The following NEGR1 variants were observed in gnomAD, a reference collection of about 807,000 sequenced individuals.
The protein encoded by NEGR1 is IgLON family member 4.
A neutral mutation model predicts 40.9 loss-of-function variants in NEGR1; 10 were observed. That is an observed-to-expected ratio of 0.24 (90% CI 0.15 to 0.42). The LOEUF (loss-of-function observed/expected upper bound fraction) is 0.42, where lower values mean the gene tolerates loss of function less well. Ranked by LOEUF, NEGR1 falls within the 10% of genes least tolerant of loss-of-function variation. The probability of loss-of-function intolerance (pLI) is 1.00; values close to 1 mark genes in which losing one functional copy is unlikely to be tolerated. For missense variants in NEGR1, 352 were observed against 438.9 expected, an observed-to-expected ratio of 0.80 and a Z score of 1.77; for synonymous variants, 185 against 166.8, an observed-to-expected ratio of 1.11 and a Z score of -0.84.
intron 2 of NEGR1, among the ~76,000 whole-genome samples, chr1:71,868,502 A>T (rs997232646): frequency 6.0e-5 from 9 of 151,070 alleles, no homozygotes; most frequent in African/African-American, 1.7e-4. Flanking sequence ...ATACATACAT[A>T]CATACATACA....
intron 1 of NEGR1, among the ~76,000 whole-genome samples, chr1:72,062,284 C>T (rs927082958): frequency 6.6e-6 from 1 of 151,828 alleles, no homozygotes; most frequent in African/African-American, 2.4e-5. Context: ...CCAATATCAC[C>T]CATTCTTTGA....
intron 1 of NEGR1, among the ~76,000 whole-genome samples, chr1:72,271,488 T>C (rs750997057): frequency 3.9e-5 from 6 of 152,008 alleles, no homozygotes; most frequent in African/African-American, 1.2e-4. Flanking sequence ...ACTTACTGTA[T>C]ATATAATATC....
intron 1 of NEGR1, among the ~76,000 whole-genome samples, chr1:72,059,139 A>G (rs1229102884): frequency 6.6e-6 from 1 of 151,664 alleles, no homozygotes; most frequent in Non-Finnish European, 1.5e-5. Flanking sequence ...CTTCTACTGA[A>G]TTTAATGTGA....
intron 1 of NEGR1, among the ~76,000 whole-genome samples, chr1:72,046,963 T>A (rs1340002094): frequency 6.6e-6 from 1 of 151,646 alleles, no homozygotes; most frequent in African/African-American, 2.4e-5. Context: ...AACATCCATC[T>A]TCTTCCAACG....
At chr1:72,167,802 G>A (rs188396083) in intron 1 of NEGR1, among the ~76,000 whole-genome samples, 137 of 151,924 alleles carry the variant, frequency 9.0e-4, no homozygotes, top group African/African-American at 3.3e-3. Flanking sequence ...AAAATGTTAA[G>A]GATTACATGT....
At chr1:72,148,529 T>A (rs1650996698) in intron 1 of NEGR1, among the ~76,000 whole-genome samples, 2 of 152,024 alleles carry the variant, frequency 1.3e-5, no homozygotes, top group South Asian at 2.1e-4. Context: ...CAAAAAAAAA[T>A]GGGTTTTTCT....
intron 2 of NEGR1, among the ~76,000 whole-genome samples, chr1:71,867,666 T>A (rs935896838): frequency 6.6e-6 from 1 of 152,170 alleles, no homozygotes; most frequent in African/African-American, 2.4e-5. Context: ...TACAAAATTT[T>A]AAAATTTGAC....
chr1:71,798,273 G>T (rs1307912030), intron 2 of NEGR1: 1 of 151,560 alleles, frequency 6.6e-6, no homozygotes, highest in African/African-American at 2.4e-5. Flanking sequence ...AACAGCAACT[G>T]AAAAAAATAC....
chr1:71,670,563 C>CTT (rs113832378), intron 4 of NEGR1, among the ~76,000 whole-genome samples: 1 of 148,718 alleles, frequency 6.7e-6, no homozygotes, highest in African/African-American at 2.5e-5. Flanking sequence ...CAGTTTTTTA[C>CTT]TTTTTTTTTT....
At chr1:71,442,671 A>G (rs534603430) in intron 6 of NEGR1, among the ~76,000 whole-genome samples, 1 of 152,316 alleles carries the variant, frequency 6.6e-6, no homozygotes, top group Admixed American at 6.5e-5. Context: ...ACATTTTCAC[A>G]TCACATGGCA....
At chr1:71,671,265 A>G (rs1173065933) in intron 4 of NEGR1, among the ~76,000 whole-genome samples, 1 of 152,142 alleles carries the variant, frequency 6.6e-6, no homozygotes, top group African/African-American at 2.4e-5. Context: ...TGCTCCTGGC[A>G]GTAGAGGGCT....
intron 1 of NEGR1, among the ~76,000 whole-genome samples, chr1:71,967,705 G>A (rs1374358603): frequency 6.6e-6 from 1 of 152,112 alleles, no homozygotes. Context: ...GGATAATACT[G>A]CCAATTATTT....
rs74824788 is a variant in NEGR1, at chr1:72,176,919, G to T, written c.176+105400C>A. ...TTCAGTGGAAAAGGAATCAAAATCT[G>T]GGAATAGTAAGGAGTCAGTTTCAAG... On this transcript the variant is annotated intron_variant, in intron 1 of 6. Coordinates refer to ENST00000357731, the MANE Select transcript of NEGR1 (RefSeq NM_173808.3). Among the ~76,000 whole-genome samples, 52 of 151,480 alleles carry T rather than the reference G, an allele frequency of 3.4e-4. No individual in the cohort carries two copies. In the East Asian group the frequency reaches 5.2e-3, roughly 15 times the overall value.
intron 2 of NEGR1, among the ~76,000 whole-genome samples, chr1:71,792,691 G>A (rs1018052248): frequency 6.6e-6 from 1 of 152,100 alleles, no homozygotes; most frequent in Non-Finnish European, 1.5e-5. Context: ...TTGATAGGGA[G>A]TTGGCAATAC....
intron 1 of NEGR1, among the ~76,000 whole-genome samples, chr1:72,073,446 T>C (rs1039617856): frequency 6.6e-6 from 1 of 152,112 alleles, no homozygotes; most frequent in Non-Finnish European, 1.5e-5. Context: ...TATGTATCTG[T>C]GCAACGATCT....
At chr1:71,417,038 A>G (rs563289584) in intron 6 of NEGR1, among the ~76,000 whole-genome samples, 13 of 152,200 alleles carry the variant, frequency 8.5e-5, no homozygotes, top group Non-Finnish European at 1.5e-4. Flanking sequence ...ACAAGGACTC[A>G]GGTATTCTGA....
chr1:71,707,714 T>C (rs1395494504), intron 3 of NEGR1, among the ~76,000 whole-genome samples: 1 of 152,028 alleles, frequency 6.6e-6, no homozygotes, highest in Non-Finnish European at 1.5e-5. Flanking sequence ...CTATATTGAC[T>C]TCAGGTCTGA....
At chr1:72,257,321 C>CAAAAAAAAA (rs34220734) in intron 1 of NEGR1, among the ~76,000 whole-genome samples, 3 of 57,134 alleles carry the variant, frequency 5.3e-5, no homozygotes, top group African/African-American at 1.3e-4. Flanking sequence ...GACTCTGTCT[C>CAAAAAAAAA]AAAAAAAAAA....
chr1:72,126,246 C>A (rs1325367245), intron 1 of NEGR1, among the ~76,000 whole-genome samples: 2 of 151,806 alleles, frequency 1.3e-5, no homozygotes, highest in African/African-American at 4.8e-5. Context: ...TATTCCCTGA[C>A]CTTTGCAAAC....
Sources: allele counts gnomAD v4.1 joint callset (sites outside exome capture counted in the v4.1 genomes callset), GRCh38; gene constraint gnomAD v4.1.1; transcripts MANE v1.5; gene names NCBI Gene and HGNC (gene_info 2026-07-23, HGNC 2026-07-21).